Variants in CCDC179 observed in about 807,000 individuals in gnomAD.
The protein encoded by CCDC179 is coiled-coil domain containing 179.
A neutral mutation model predicts 12.0 loss-of-function variants in CCDC179; 17 were observed. The ratio of observed to expected loss-of-function variants is 1.42; its 90% CI spans 0.97 to 2.13. The LOEUF is 2.13. Among genes scored for constraint, CCDC179 ranks in the 30% most tolerant of loss-of-function variants. CCDC179 has a pLI of 0.00. For synonymous variants in CCDC179, 27 were observed against 26.4 expected (o/e 1.02, Z -0.07); for missense variants, 83 against 78.6 (o/e 1.06, Z -0.21).
At chr11:22,853,034 C>A (rs972211183) in intron 3 of CCDC179, among the ~76,000 whole-genome samples, 1 of 152,096 alleles carries the variant, frequency 6.6e-6, no homozygotes, top group Non-Finnish European at 1.5e-5. Flanking sequence ...GAAAGAGTCC[C>A]TAGCAAGACC....
At chr11:22,848,661 A>T (rs971363020) in intron 3 of CCDC179, among the ~76,000 whole-genome samples, 81 of 152,270 alleles carry the variant, frequency 5.3e-4, no homozygotes, top group African/African-American at 1.9e-3. Flanking sequence ...TTTCTTAAAG[A>T]TTGATTTAAG....
In CCDC179 at chr11:22,860,439, C is replaced by T. The variant is rs981881147; in HGVS notation, c.-18G>A. On this transcript the variant is annotated 5_prime_UTR_variant, in exon 1 of 4. Transcript: ENST00000532798. ...AGGCACATGCCGTGGAGCCTTAGGGCGCCCCCTGACGCCTACTGCCTGTCC... is the reference window on the plus strand; with the variant it reads ...AGGCACATGCCGTGGAGCCTTAGGGTGCCCCCTGACGCCTACTGCCTGTCC... 1.2e-5 allele frequency: 18 copies of T among 1,531,582 alleles called. No individual in the cohort carries two copies. The highest frequency in any genetic ancestry group is 7.4e-5 in the East Asian group (3 of 40,682). 94.9% of individuals were successfully genotyped at this position (1,531,582 alleles called of 1,614,324 possible).
intron 1 of CCDC179, among the ~76,000 whole-genome samples, chr11:22,859,777 C>T (rs183256810): frequency 1.1e-4 from 17 of 152,180 alleles, no homozygotes; most frequent in African/African-American, 3.9e-4. Flanking sequence ...GAGATATATT[C>T]GGGAGGGAAA....
Position 22,859,479 on chromosome 11 carries a change from ATGT to A in CCDC179, c.60_62del (p.Gln20del). On this transcript the variant is annotated inframe_deletion, in exon 2 of 4. Transcript: ENST00000532798. ...GCCGCTCAGTGACCTCTGAAGGATG[ATGT>A]TGTCTTGGTCCTTCCTATATAATAA... is the stretch of plus-strand genomic sequence containing the variant. 1 of 1,503,128 alleles carries A rather than the reference ATGT, an allele frequency of 6.7e-7. No individual in the cohort carries two copies. Among genetic ancestry groups the A allele is most frequent in the Non-Finnish European group, 8.9e-7 (1 of 1,128,456 alleles). The allele number at this position is 1,503,128 out of a possible 1,614,324, so 93.1% of individuals were successfully genotyped here.
At position 22,854,191 on chromosome 11, in the gene CCDC179, G is replaced by A. The variant is rs1314458595; in HGVS notation, c.195+3731C>T. 2.6e-5 allele frequency among the ~76,000 whole-genome samples: 4 copies of A among 151,670 alleles called. No individual in the cohort carries two copies. In the East Asian group the frequency reaches 7.7e-4, roughly 29 times the overall value. On this transcript the variant is annotated intron_variant, in intron 3 of 3. Coordinates refer to ENST00000532798, the MANE Select transcript of CCDC179 (RefSeq NM_001195637.2). ...TGTTACTAGTAGGCTTGCCCACACA[G>A]CAATAGTTAAGAAGTTTTCAGAGAA... is the stretch of plus-strand genomic sequence containing the variant.
intron 3 of CCDC179, among the ~76,000 whole-genome samples, chr11:22,850,807 C>A (rs1477529526): frequency 6.6e-6 from 1 of 150,682 alleles, no homozygotes; most frequent in East Asian, 1.9e-4. Flanking sequence ...GTACAGGGTT[C>A]AGAAATGGTG....
At chr11:22,853,758 CAG>C (rs1026580533) in intron 3 of CCDC179, among the ~76,000 whole-genome samples, 8 of 151,524 alleles carry the variant, frequency 5.3e-5, no homozygotes, top group Middle Eastern at 3.4e-3. Flanking sequence ...GGAGGAGAAA[CAG>C]AATAAATATT....
intron 3 of CCDC179, among the ~76,000 whole-genome samples, chr11:22,850,963 TA>T (rs1564915066): frequency 1.4e-3 from 28 of 19,746 alleles, no homozygotes; most frequent in African/African-American, 3.8e-3. Context: ...TATATATATA[TA>T]TATATATATA....
At chr11:22,853,645 A>G (rs946568342) in intron 3 of CCDC179, among the ~76,000 whole-genome samples, 4 of 127,194 alleles carry the variant, frequency 3.1e-5, no homozygotes, top group Non-Finnish European at 3.4e-5. Flanking sequence ...ATAAATATGT[A>G]CAATTGGAAA....
chr11:22,848,408 C>T (rs1858279298), intron 3 of CCDC179, among the ~76,000 whole-genome samples: 3 of 151,740 alleles, frequency 2.0e-5, no homozygotes, highest in Non-Finnish European at 4.4e-5. Context: ...TGTGCCACTG[C>T]ACCCCAGCCT....
At chr11:22,859,549 A>G (rs942425260) in intron 1 of CCDC179, 53 bp from the exon 2 acceptor site, 3 of 1,098,656 alleles carry the variant, frequency 2.7e-6, no homozygotes, top group African/African-American at 1.6e-5. Flanking sequence ...CATTAAAAAC[A>G]GTAAATTAAT....
intron 1 of CCDC179, 134 bp downstream of exon 1, chr11:22,860,242 CT>C (rs142543344): frequency 1.0e-6 from 1 of 973,350 alleles, no homozygotes; most frequent in Non-Finnish European, 1.5e-6. Flanking sequence ...TCTACATCAC[CT>C]GGAATTTCCC....
chr11:22,847,397 G>A lies in CCDC179; in HGVS notation c.*113C>T. 1.7e-6 allele frequency: 1 copy of A among 577,992 alleles called. No homozygotes were observed. Among genetic ancestry groups the A allele is most frequent in the Non-Finnish European group, 2.8e-6 (1 of 358,754 alleles). The allele number at this position is 577,992 out of a possible 1,614,324, so 35.8% of individuals were successfully genotyped here. On this transcript the variant is annotated 3_prime_UTR_variant, in exon 4 of 4. Transcript: ENST00000532798. The stretch of plus-strand genomic sequence containing the variant: ...GCACTGTGTTTATTTTTCCGAAATG[G>A]TGGAGTATTGCATTTATTTTGTGGA...
At chr11:22,852,220 C>T (rs1858422178) in intron 3 of CCDC179, among the ~76,000 whole-genome samples, 1 of 152,222 alleles carries the variant, frequency 6.6e-6, no homozygotes, top group Non-Finnish European at 1.5e-5. Context: ...GACTTCTGTT[C>T]TAACCAACTC....
intron 3 of CCDC179, among the ~76,000 whole-genome samples, chr11:22,854,085 T>G (rs1858481705): frequency 6.6e-6 from 1 of 151,826 alleles, no homozygotes; most frequent in African/African-American, 2.4e-5. Flanking sequence ...AAACCTAGGA[T>G]TCTGTATCAT....
intron 3 of CCDC179, among the ~76,000 whole-genome samples, chr11:22,849,949 G>A (rs924093425): frequency 2.6e-5 from 4 of 152,192 alleles, no homozygotes; most frequent in South Asian, 2.1e-4. Flanking sequence ...TGGTGGAGGC[G>A]ACAGATTTTA....
At chr11:22,853,643 G>A (rs1204359053) in intron 3 of CCDC179, among the ~76,000 whole-genome samples, 1 of 127,072 alleles carries the variant, frequency 7.9e-6, no homozygotes, top group African/African-American at 2.9e-5. Context: ...GTATAAATAT[G>A]TACAATTGGA....
chr11:22,855,914 A>G lies in CCDC179; in HGVS notation c.195+2008T>C, dbSNP rs560951112. Among the ~76,000 whole-genome samples the G allele has an allele frequency of 9.9e-4, 150 of 151,516 alleles. 1 individual carries two copies. The Middle Eastern group carries it at 0.01, about 10-fold the overall frequency. On this transcript the variant is annotated intron_variant, in intron 3 of 3. Coordinates refer to ENST00000532798, the MANE Select transcript of CCDC179 (RefSeq NM_001195637.2). ...ACATAACCAATAGCTCTATGCTCAT[A>G]AACTTGAAAACTTAGATAAAACTGA...
In CCDC179 at chr11:22,850,017, G is replaced by T. The variant is rs117628722; in HGVS notation, c.196-2496C>A. Among the ~76,000 whole-genome samples the T allele has an allele frequency of 4.8e-4, 73 of 152,260 alleles. 1 individual carries two copies. The East Asian group carries it at 0.013, about 27-fold the overall frequency. On this transcript the variant is annotated intron_variant, in intron 3 of 3. Coordinates refer to ENST00000532798, the MANE Select transcript of CCDC179 (RefSeq NM_001195637.2). Reference sequence around the variant, plus strand: ...AGGGCTCACAGATTGGTTCACTCAGGTATGATGTTTACATAGCATGCAGGG... The same window carrying T: ...AGGGCTCACAGATTGGTTCACTCAGTTATGATGTTTACATAGCATGCAGGG...
Sources: gnomAD v4.1 joint callset for allele counts (sites outside exome capture counted in the v4.1 genomes callset) on GRCh38, gnomAD v4.1.1 for gene constraint, MANE v1.5 for transcripts, NCBI Gene and HGNC (gene_info 2026-07-23, HGNC 2026-07-21) for gene names.